The following PAPOLG variants were observed in gnomAD, a reference collection of about 807,000 sequenced individuals.
PAPOLG encodes poly(A) polymerase gamma, also known as PAP-gamma.
In PAPOLG, 40 loss-of-function variants were observed where a neutral mutation model predicts 99.0. The observed-to-expected ratio is 0.40, with a 90% CI of 0.31 to 0.53. The LOEUF is 0.53. PAPOLG is among the 20% of genes least tolerant of loss of function. PAPOLG has a pLI of 0.41. For missense variants in PAPOLG, 675 were observed against 884.1 expected, an observed-to-expected ratio of 0.76 and a Z score of 3.00; for synonymous variants, 310 against 299.3, an observed-to-expected ratio of 1.04 and a Z score of -0.37.
At chr2:60,780,947 A>T (rs569004751) in intron 10 of PAPOLG, among the ~76,000 whole-genome samples, 168 bp downstream of exon 10, 1 of 152,288 alleles carries the variant, frequency 6.6e-6, no homozygotes, top group East Asian at 1.9e-4. Flanking sequence ...TGTGCAGATG[A>T]TTAGGATCAC....
In PAPOLG at chr2:60,759,521, G is replaced by A. The variant is rs1278042699; in HGVS notation, c.18-613G>A. ...TTTTATTTCAATGTGAAGATGGTAT[G>A]GGTACCAGTCTAAAATGAAGAGAAT... On this transcript the variant is annotated intron_variant, in intron 1 of 21. Coordinates refer to ENST00000238714, the MANE Select transcript of PAPOLG (RefSeq NM_022894.4). 3.3e-5 allele frequency among the ~76,000 whole-genome samples: 5 copies of A among 152,152 alleles called. No individual in the cohort carries two copies. The East Asian group carries it at 7.7e-4, about 23-fold the overall frequency.
At chr2:60,785,201 C>T (rs10206990) in intron 13 of PAPOLG, among the ~76,000 whole-genome samples, 35,088 of 151,240 alleles carry the variant, frequency 0.23, 4,639 homozygotes, top group African/African-American at 0.34. Context: ...TGTAGTGGTG[C>T]GATCTCAGCT....
chr2:60,787,259 A>G (rs1671390600), intron 14 of PAPOLG, among the ~76,000 whole-genome samples, 193 bp downstream of exon 14: 1 of 152,178 alleles, frequency 6.6e-6, no homozygotes, highest in Non-Finnish European at 1.5e-5. Context: ...CCCCAGCAAA[A>G]CACCATCACA....
At chr2:60,769,854 C>T (rs544020453) in intron 5 of PAPOLG, among the ~76,000 whole-genome samples, 2 of 152,180 alleles carry the variant, frequency 1.3e-5, no homozygotes, top group East Asian at 3.9e-4. Context: ...CTGCACCTAT[C>T]AACCCATTAT....
At chr2:60,779,467 T>C in intron 8 of PAPOLG, 170 bp from the exon 9 acceptor site, 1 of 632,826 alleles carries the variant, frequency 1.6e-6, no homozygotes, top group South Asian at 2.6e-5. Flanking sequence ...GGTCTGCTTA[T>C]CAGTTTTAAT....
intron 13 of PAPOLG, among the ~76,000 whole-genome samples, chr2:60,785,788 T>A (rs1403449094): frequency 6.6e-6 from 1 of 151,786 alleles, no homozygotes; most frequent in Non-Finnish European, 1.5e-5. Context: ...CGCCTCAGCT[T>A]CCCAAAGTGC....
intron 5 of PAPOLG, among the ~76,000 whole-genome samples, chr2:60,769,449 CAG>C (rs1351411886): frequency 1.3e-5 from 2 of 152,030 alleles, no homozygotes; most frequent in African/African-American, 4.8e-5. Context: ...ATAAACAAAA[CAG>C]TGTTAATGCA....
At chr2:60,776,192 G>C (rs11687951) in intron 8 of PAPOLG, among the ~76,000 whole-genome samples, 37,724 of 152,096 alleles carry the variant, frequency 0.25, 5,033 homozygotes, top group Middle Eastern at 0.34. Flanking sequence ...GAGCTCGTGG[G>C]TGACTAGGTG....
intron 14 of PAPOLG, among the ~76,000 whole-genome samples, chr2:60,787,302 A>G (rs1246724650): frequency 6.6e-6 from 1 of 152,190 alleles, no homozygotes; most frequent in Non-Finnish European, 1.5e-5. Context: ...TATATTTAGT[A>G]AGTCATTTTC....
At chr2:60,761,930 AG>A (rs1390487052) in intron 3 of PAPOLG, 123 bp downstream of exon 3, 1 of 746,042 alleles carries the variant, frequency 1.3e-6, no homozygotes, top group Non-Finnish European at 2.3e-6. Context: ...TGGTATATGT[AG>A]GAATGAATTG....
chr2:60,794,573 A>G, intron 19 of PAPOLG, 137 bp from the exon 20 acceptor site: 1 of 730,390 alleles, frequency 1.4e-6, no homozygotes, highest in Admixed American at 3.1e-5. Flanking sequence ...TCTAATTTAA[A>G]TTATCTTCTC....
chr2:60,786,891 G>C (rs947600322), intron 13 of PAPOLG, 56 bp from the exon 14 acceptor site: 5 of 1,565,648 alleles, frequency 3.2e-6, no homozygotes, highest in Non-Finnish European at 4.3e-6. Context: ...TTACTTGAGT[G>C]TAGCTTTCAA....
intron 13 of PAPOLG, among the ~76,000 whole-genome samples, chr2:60,783,827 CA>C (rs1671276413): frequency 6.7e-6 from 1 of 149,812 alleles, no homozygotes; most frequent in Admixed American, 6.7e-5. Flanking sequence ...AATATGCCAT[CA>C]AATTAATGTT....
chr2:60,778,042 T>C (rs970577686), intron 8 of PAPOLG, among the ~76,000 whole-genome samples: 5 of 152,192 alleles, frequency 3.3e-5, no homozygotes, highest in African/African-American at 1.2e-4. Flanking sequence ...TGCTGAAAGA[T>C]TTTCTCAACT....
At chr2:60,795,072 G>A in intron 21 of PAPOLG, 52 bp downstream of exon 21, 2 of 1,456,456 alleles carry the variant, frequency 1.4e-6, no homozygotes, top group Non-Finnish European at 9.5e-7. Flanking sequence ...AAACTCATAG[G>A]TAATCTACAA....
At chr2:60,785,817 G>T (rs1281017407) in intron 13 of PAPOLG, among the ~76,000 whole-genome samples, 1 of 151,732 alleles carries the variant, frequency 6.6e-6, no homozygotes. Context: ...ACAAGCATGA[G>T]CCACCGCACC....
At chr2:60,756,642 A>T (rs1373655947) in intron 1 of PAPOLG, 147 bp downstream of exon 1, 2 of 882,876 alleles carry the variant, frequency 2.3e-6, no homozygotes, top group Non-Finnish European at 1.7e-6. Context: ...GCCGGTCCGC[A>T]AGGGCACCTC....
At chr2:60,769,286 G>A (rs1473546157) in intron 5 of PAPOLG, among the ~76,000 whole-genome samples, 2 of 152,162 alleles carry the variant, frequency 1.3e-5, no homozygotes, top group Non-Finnish European at 2.9e-5. Context: ...TTATGTGTAA[G>A]GTTCAGTTAG....
At chr2:60,795,167 T>C in intron 21 of PAPOLG, 147 bp downstream of exon 21, 1 of 697,182 alleles carries the variant, frequency 1.4e-6, no homozygotes, top group Non-Finnish European at 2.5e-6. Flanking sequence ...TAGTTGGGGT[T>C]GGAGATAGCA....
Sources: allele counts gnomAD v4.1 joint callset (sites outside exome capture counted in the v4.1 genomes callset), GRCh38; gene constraint gnomAD v4.1.1; transcripts MANE v1.5; gene names NCBI Gene and HGNC (gene_info 2026-07-23, HGNC 2026-07-21).